USP50: variants seen among roughly 807,000 people sequenced by gnomAD.
USP50 encodes ubiquitin carboxyl-terminal hydrolase 50.
In USP50, 37 loss-of-function variants were observed where a neutral mutation model predicts 39.2. That is an observed-to-expected ratio of 0.94 (90% CI 0.73 to 1.24). USP50 has a LOEUF of 1.24. Among genes scored for constraint, USP50 ranks in the 50% most tolerant of loss-of-function variants. The probability of loss-of-function intolerance (pLI) is 0.00; values close to 1 mark genes in which losing one functional copy is unlikely to be tolerated. For missense variants in USP50, 374 were observed against 398.2 expected, an observed-to-expected ratio of 0.94 and a Z score of 0.52; for synonymous variants, 139 against 144.5, an observed-to-expected ratio of 0.96 and a Z score of 0.27.
chr15:50,518,577 T>C (rs972056749), intron 6 of USP50, among the ~76,000 whole-genome samples: 4 of 151,654 alleles, frequency 2.6e-5, no homozygotes, highest in Admixed American at 6.6e-5. Flanking sequence ...CTTCAATAAA[T>C]TGTACTGGAA....
At chr15:50,509,989 T>G (rs1178172494) in intron 6 of USP50, 2 of 152,070 alleles carry the variant, frequency 1.3e-5, no homozygotes, top group Non-Finnish European at 1.5e-5. Flanking sequence ...CAATGTTTAT[T>G]TCAAAGCTAT....
At chr15:50,500,268 A>G (rs961630863), downstream of USP50, 1 of 153,626 alleles carries the variant, frequency 6.5e-6, no homozygotes, top group Admixed American at 6.4e-5. Context: ...TCATATTCTT[A>G]AACTCATCGA....
At chr15:50,515,652 GTATA>G (rs35695423) in intron 6 of USP50, among the ~76,000 whole-genome samples, 54,284 of 147,498 alleles carry the variant, frequency 0.37, 10,028 homozygotes, top group East Asian at 0.59. Flanking sequence ...ATATATATGT[GTATA>G]TATATATATA....
At position 50,516,887 on chromosome 15, in the gene USP50, T is replaced by C. The variant is rs1200264450; in HGVS notation, c.936+12910A>G. Among the ~76,000 whole-genome samples, 3 of 152,062 alleles carry C rather than the reference T, an allele frequency of 2.0e-5. No homozygotes were observed. In the East Asian group the frequency reaches 5.8e-4, roughly 29 times the overall value. On this transcript the variant is annotated intron_variant, in intron 6 of 6. Coordinates refer to ENST00000532404, the MANE Select transcript of USP50 (RefSeq NM_203494.5). ...AGGGGATATAGCTATTATAAATATA[T>C]ATGCACCTAATGTTAGAGCACCTAA... is the stretch of plus-strand genomic sequence containing the variant.
chr15:50,510,694 G>A (rs1383152130), intron 6 of USP50: 1 of 152,036 alleles, frequency 6.6e-6, no homozygotes, highest in African/African-American at 2.4e-5. Context: ...TATAGAGAGT[G>A]AAAGTAATAA....
At chr15:50,496,209 A>G (rs60624314), downstream of USP50, 368 of 760,584 alleles carry the variant, frequency 4.8e-4, 2 homozygotes, top group African/African-American at 5.4e-3. Flanking sequence ...GGCCGGGCGC[A>G]GTGGCTCATA....
chr15:50,498,983 T>C (rs752064695), downstream of USP50: 10 of 1,613,976 alleles, frequency 6.2e-6, no homozygotes, highest in South Asian at 7.7e-5. Flanking sequence ...TTAAGTTTGA[T>C]GATCATGAAG....
chr15:50,524,860 C>A (rs2052876084), intron 6 of USP50, among the ~76,000 whole-genome samples: 2 of 151,602 alleles, frequency 1.3e-5, no homozygotes, highest in Admixed American at 6.6e-5. Context: ...GGTGACAGAG[C>A]AAAACCCAGT....
chr15:50,531,282 G>T (rs2052938470), intron 5 of USP50, among the ~76,000 whole-genome samples: 1 of 152,134 alleles, frequency 6.6e-6, no homozygotes. Flanking sequence ...TGTAGAAGTT[G>T]TATTCCTAAC....
chr15:50,514,074 T>C (rs1313421301), intron 6 of USP50: 1 of 152,194 alleles, frequency 6.6e-6, no homozygotes, highest in Non-Finnish European at 1.5e-5. Flanking sequence ...TGGAATACTA[T>C]ACAGCAATGA....
chr15:50,505,444 G>A (rs2052645576), intron 6 of USP50: 1 of 152,134 alleles, frequency 6.6e-6, no homozygotes, highest in Non-Finnish European at 1.5e-5. Flanking sequence ...GAATGAAAGT[G>A]AATTAAAGAC....
At chr15:50,538,415 A>G (rs898533331) in intron 5 of USP50, among the ~76,000 whole-genome samples, 13 of 151,988 alleles carry the variant, frequency 8.6e-5, no homozygotes, top group African/African-American at 3.1e-4. Flanking sequence ...AGGAATGTGG[A>G]GTTACTAAAG....
intron 5 of USP50, among the ~76,000 whole-genome samples, chr15:50,537,007 C>T (rs185922655): frequency 1.3e-5 from 2 of 152,046 alleles, no homozygotes; most frequent in Admixed American, 1.3e-4. Flanking sequence ...TGAAGGAAAA[C>T]ATAATTGGAC....
chr15:50,498,330 T>C (rs569005263), downstream of USP50: 2 of 305,656 alleles, frequency 6.5e-6, no homozygotes, highest in Non-Finnish European at 6.0e-6. Context: ...GTAGCAGTTG[T>C]AGCTGGACCA....
In USP50 at chr15:50,544,493, A is replaced by C. The variant is rs1429422066; in HGVS notation, c.248+94T>G. On this transcript the variant is annotated intron_variant, in intron 2 of 6. Transcript: ENST00000532404. The stretch of plus-strand genomic sequence containing the variant: ...ACAACCTCTACTGACTTGTTTGTTT[A>C]TCTCTTAATAGGGATTCCAGAGTTC... 1.2e-5 allele frequency: 15 copies of C among 1,223,994 alleles called. No individual in the cohort carries two copies. The African/African-American group carries it at 2.3e-4, about 19-fold the overall frequency. 75.8% of individuals were successfully genotyped at this position (1,223,994 alleles called of 1,614,324 possible).
In USP50 at chr15:50,525,655, TG is replaced by T. The variant is rs1350836951; in HGVS notation, c.936+4141del. On this transcript the variant is annotated intron_variant, in intron 6 of 6. Coordinates refer to ENST00000532404, the MANE Select transcript of USP50 (RefSeq NM_203494.5). Reference sequence around the variant, plus strand: ...ATATATGTATATGTGTATATGTATATGTATATATGTATATGTATATATGTAT... The same window carrying T: ...ATATATGTATATGTGTATATGTATATTATATATGTATATGTATATATGTAT... Among the ~76,000 whole-genome samples, 461 of 66,704 alleles carry T rather than the reference TG, an allele frequency of 6.9e-3. 5 individuals are homozygous for T. Among genetic ancestry groups the T allele is most frequent in the African/African-American group, 0.026 (405 of 15,600 alleles). 43.8% of individuals were successfully genotyped at this position (66,704 alleles called of 152,430 possible).
intron 1 of USP50, among the ~76,000 whole-genome samples, chr15:50,495,083 G>T (rs1053406789): frequency 2.0e-5 from 3 of 150,662 alleles, no homozygotes; most frequent in Admixed American, 6.6e-5. Flanking sequence ...TATTATAAAG[G>T]CATGTATGTA....
intron 6 of USP50, chr15:50,508,007 T>C (rs771434833): frequency 1.4e-5 from 2 of 143,092 alleles, no homozygotes; most frequent in African/African-American, 2.6e-5. Context: ...GCGGCGGAGG[T>C]TGCAGTGAGC....
downstream of USP50, chr15:50,495,758 T>C (rs17645290): frequency 0.19 from 197,124 of 1,037,438 alleles, 20,853 homozygotes; most frequent in East Asian, 0.41. Context: ...TGTTTCTAAA[T>C]CTGGCAAGTG....
Sources: allele counts gnomAD v4.1 joint callset (sites outside exome capture counted in the v4.1 genomes callset), GRCh38; gene constraint gnomAD v4.1.1; transcripts MANE v1.5; gene names NCBI Gene and HGNC (gene_info 2026-07-23, HGNC 2026-07-21).